SNX25: variants seen among roughly 807,000 people sequenced by gnomAD.
SNX25 encodes the protein sorting nexin 25.
Under a neutral mutation model 113.7 loss-of-function variants are expected in SNX25, and 62 were observed. The observed-to-expected ratio is 0.55, with a 90% CI of 0.44 to 0.67. The LOEUF is 0.67. Ranked by LOEUF, SNX25 falls within the 30% of genes least tolerant of loss-of-function variation. The pLI is 0.00. For missense variants in SNX25, 1,014 were observed against 1,161.0 expected (o/e 0.87, Z 1.84); for synonymous variants, 421 against 436.2 (o/e 0.97, Z 0.43).
chr4:185,312,101 CTTAGA>C (rs1055524251), intron 7 of SNX25, among the ~76,000 whole-genome samples: 6 of 152,042 alleles, frequency 3.9e-5, no homozygotes, highest in East Asian at 1.9e-4. Flanking sequence ...GTTTTGGCCT[CTTAGA>C]TTAATTTCTA....
chr4:185,248,781 A>G (rs1745211373), intron 2 of SNX25, among the ~76,000 whole-genome samples: 1 of 152,226 alleles, frequency 6.6e-6, no homozygotes, highest in Non-Finnish European at 1.5e-5. Flanking sequence ...TAACCACCTC[A>G]TTCAAAATAG....
At chr4:185,365,876 C>T (rs965463569), downstream of SNX25, 2 of 152,006 alleles carry the variant, frequency 1.3e-5, no homozygotes, top group African/African-American at 4.8e-5. Context: ...GAAATTTCTT[C>T]CCTTACACAA....
At chr4:185,335,411 C>T (rs1156967595) in intron 10 of SNX25, among the ~76,000 whole-genome samples, 1 of 151,722 alleles carries the variant, frequency 6.6e-6, no homozygotes, top group Non-Finnish European at 1.5e-5. Context: ...GACAATCTAG[C>T]AATTAACATA....
At position 185,279,157 on chromosome 4, in the gene SNX25, A is replaced by G. The variant is rs1016365783; in HGVS notation, c.1092-8855A>G. The stretch of plus-strand genomic sequence containing the variant: ...AATTATATACATATTATATATGTCT[A>G]TTTTTATAACTTTATATGGGGAGAG... On this transcript the variant is annotated intron_variant, in intron 5 of 18. Transcript: ENST00000652585. Among the ~76,000 whole-genome samples, 4 of 151,684 alleles carry G rather than the reference A, an allele frequency of 2.6e-5. No individual in the cohort carries two copies. The South Asian group carries it at 6.2e-4, about 24-fold the overall frequency.
At chr4:185,248,040 G>T (rs1037395704) in intron 2 of SNX25, among the ~76,000 whole-genome samples, 4 of 152,138 alleles carry the variant, frequency 2.6e-5, no homozygotes, top group African/African-American at 9.7e-5. Context: ...TGTTAGACGT[G>T]AAGTTAAGAG....
chr4:185,310,659 C>G lies in SNX25; in HGVS notation c.1187C>G (p.Ala396Gly), dbSNP rs1755117390. ...GGTAAAGAAACTGCGGCAATGAAAG[C>G]TGATCTCCTGAGGGCCAGGAACATG... is the stretch of plus-strand genomic sequence containing the variant. ...HKGKETAAMKADLLRARNMKR... is the reference protein window; with the variant it reads ...HKGKETAAMKGDLLRARNMKR... Residue 396 changes from alanine to glycine, a missense_variant, in exon 7 of 19, where the codon GCT becomes GGT. By Grantham distance (60) the Ala-to-Gly change is moderately conservative. Transcript: ENST00000652585. 1 of 1,613,226 alleles carries G rather than the reference C, an allele frequency of 6.2e-7. No homozygotes were observed.
rs889584471 is a variant in SNX25 at position 185,295,332 on chromosome 4, G to A, written c.1162+7250G>A. Among the ~76,000 whole-genome samples the A allele has an allele frequency of 2.6e-5, 4 of 152,064 alleles. No individual in the cohort carries two copies. In the East Asian group the frequency reaches 5.8e-4, roughly 22 times the overall value. On this transcript the variant is annotated intron_variant, in intron 6 of 18. Coordinates refer to ENST00000652585, the MANE Select transcript of SNX25 (RefSeq NM_001378034.2). ...TTAAAAGAAGAATGAACAGATGGAC[G>A]ATCCTAGGAACGTTTAGTATTCAAC...
At chr4:185,295,149 G>A (rs966217567) in intron 6 of SNX25, among the ~76,000 whole-genome samples, 2 of 152,098 alleles carry the variant, frequency 1.3e-5, no homozygotes, top group Admixed American at 6.6e-5. Flanking sequence ...AAATATAATT[G>A]TTGAGTTGTT....
intron 5 of SNX25, among the ~76,000 whole-genome samples, chr4:185,277,238 T>C (rs1749838138): frequency 6.6e-6 from 1 of 152,194 alleles, no homozygotes; most frequent in African/African-American, 2.4e-5. Flanking sequence ...TTGGCCAGGC[T>C]GGTCTGGAAG....
Position 185,210,080 on chromosome 4 carries a change from C to T in SNX25, c.254C>T (p.Ala85Val). 7.1e-6 allele frequency: 7 copies of T among 984,162 alleles called. No homozygotes were observed. The highest frequency in any genetic ancestry group is 8.4e-6 in the Non-Finnish European group (7 of 829,500). 61.0% of individuals were successfully genotyped at this position (984,162 alleles called of 1,614,324 possible). A position where few individuals can be genotyped will look rare whatever the true frequency, so the allele number is the denominator to read the frequency against. Residue 85 changes from alanine to valine, a missense_variant, in exon 1 of 19, where the codon GCG (alanine) becomes GTG (valine). Coordinates refer to ENST00000652585, the MANE Select transcript of SNX25 (RefSeq NM_001378034.2). The surrounding 1 kb of genome is among the most constrained non-coding windows in gnomAD (Gnocchi z 4.4). ...GPGSGEAAGA[A>V]GLSSVLFRLS... ...GGCAGCGGGGAGGCGGCGGGGGCCG[C>T]GGGGCTGAGCTCCGTCCTGTTCAGG... is the stretch of plus-strand genomic sequence containing the variant.
intron 1 of SNX25, among the ~76,000 whole-genome samples, chr4:185,222,087 T>A (rs1739990494): frequency 3.7e-5 from 1 of 26,692 alleles, no homozygotes. Flanking sequence ...TAGCGCCATA[T>A]ACCCCTCCTT....
intron 1 of SNX25, among the ~76,000 whole-genome samples, chr4:185,225,199 A>G (rs929711578): frequency 2.6e-5 from 4 of 151,026 alleles, no homozygotes; most frequent in African/African-American, 9.8e-5. Flanking sequence ...GCTCACTGCA[A>G]GCTCCACCTC....
chr4:185,297,275 C>T (rs138064392), intron 6 of SNX25, among the ~76,000 whole-genome samples: 2,622 of 152,318 alleles, frequency 0.017, 78 homozygotes, highest in African/African-American at 0.059. Flanking sequence ...AGTAACCACA[C>T]GTGGCTGCCA....
Position 185,339,508 on chromosome 4 carries a change from G to A in SNX25, c.2044G>A (p.Glu682Lys), listed in dbSNP as rs575286328. ...GMWKASITSG[E>K]VTEENGEQLP... is the part of the protein sequence containing the mutation. ...GTGGAAAGCCTCCATCACCAGTGGA[G>A]AGGTAGTTTTGACTGCTTTTCCTCT... The change falls in exon 11 of 19, where the codon GAG (glutamate) becomes AAG (lysine). Residue 682 changes from glutamate to lysine, a missense_variant and splice_region_variant. Coordinates refer to ENST00000652585, the MANE Select transcript of SNX25 (RefSeq NM_001378034.2). 9 of 1,609,632 alleles carry A rather than the reference G, an allele frequency of 5.6e-6. No individual in the cohort carries two copies. The South Asian group carries it at 8.9e-5, about 16-fold the overall frequency.
chr4:185,261,104 CTG>C (rs1159210628), intron 3 of SNX25, among the ~76,000 whole-genome samples: 10 of 140,534 alleles, frequency 7.1e-5, no homozygotes, highest in African/African-American at 1.6e-4. Flanking sequence ...GTCTGTCTGT[CTG>C]TCTGTCTCTG....
chr4:185,215,911 C>T (rs1281773826), intron 1 of SNX25, among the ~76,000 whole-genome samples: 2 of 151,850 alleles, frequency 1.3e-5, no homozygotes, highest in Admixed American at 6.6e-5. Flanking sequence ...CACCTCCCAC[C>T]TCACCCTCCC....
At chr4:185,340,873 C>T (rs79202684) in intron 11 of SNX25, among the ~76,000 whole-genome samples, 5,855 of 152,176 alleles carry the variant, frequency 0.038, 343 homozygotes, top group African/African-American at 0.13. Flanking sequence ...CTAGAGCTCA[C>T]GAAGCAGTCC....
chr4:185,350,453 C>A (rs75876686), intron 13 of SNX25, among the ~76,000 whole-genome samples: 1 of 152,174 alleles, frequency 6.6e-6, no homozygotes, highest in Non-Finnish European at 1.5e-5. Flanking sequence ...ATTCTGCTGT[C>A]TTACCATAGC....
chr4:185,235,502 G>A (rs1247912515), intron 1 of SNX25, among the ~76,000 whole-genome samples: 1 of 152,198 alleles, frequency 6.6e-6, no homozygotes, highest in African/African-American at 2.4e-5. Context: ...GTTCACCTAT[G>A]CATAATTCGT....
Sources: allele counts gnomAD v4.1 joint callset (sites outside exome capture counted in the v4.1 genomes callset), GRCh38; gene constraint gnomAD v4.1.1; non-coding constraint Gnocchi (gnomAD v3.1); transcripts MANE v1.5; gene names NCBI Gene and HGNC (gene_info 2026-07-23, HGNC 2026-07-21).